Variants in NCAM2 observed in about 807,000 individuals in gnomAD.
The protein encoded by NCAM2 is neural cell adhesion molecule 2, also known as N-CAM-2.
In NCAM2, 30 loss-of-function variants were observed where a neutral mutation model predicts 98.1. The ratio of observed to expected loss-of-function variants is 0.31; its 90% CI spans 0.23 to 0.41. The LOEUF (loss-of-function observed/expected upper bound fraction) is 0.41, where lower values mean the gene tolerates loss of function less well. Among genes scored for constraint, NCAM2 ranks in the 10% least tolerant of loss-of-function variants. The pLI is 1.00. For missense variants in NCAM2, 867 were observed against 1,005.8 expected, an observed-to-expected ratio of 0.86 and a Z score of 1.87; for synonymous variants, 368 against 342.4, an observed-to-expected ratio of 1.07 and a Z score of -0.83.
At chr21:21,138,395 CA>C (rs1345979165) in intron 1 of NCAM2, among the ~76,000 whole-genome samples, 1 of 152,242 alleles carries the variant, frequency 6.6e-6, no homozygotes, top group Non-Finnish European at 1.5e-5. Flanking sequence ...GTCGTTTCTC[CA>C]CATCATTTTC....
intron 1 of NCAM2, among the ~76,000 whole-genome samples, chr21:21,204,762 A>G (rs370754932): frequency 1.3e-5 from 2 of 152,154 alleles, no homozygotes; most frequent in African/African-American, 4.8e-5. Context: ...GCTATTGCCA[A>G]TTTATTCATA....
At chr21:21,115,859 A>G (rs1288586150) in intron 1 of NCAM2, among the ~76,000 whole-genome samples, 1 of 152,166 alleles carries the variant, frequency 6.6e-6, no homozygotes, top group African/African-American at 2.4e-5. Context: ...AAGAAAATCA[A>G]TTCAAATTGG....
chr21:21,247,566 A>G (rs1013693340), intron 1 of NCAM2, among the ~76,000 whole-genome samples: 2 of 152,104 alleles, frequency 1.3e-5, no homozygotes, highest in African/African-American at 4.8e-5. Context: ...TTTATGCTGA[A>G]TTATTTTTAT....
At position 21,454,477 on chromosome 21, in the gene NCAM2, C is replaced by T. The variant is rs531194599; in HGVS notation, c.1655-12129C>T. On this transcript the variant is annotated intron_variant, in intron 12 of 17. Transcript: ENST00000400546. ...ATCCCTAACTTATGTATGGGTACAG[C>T]TCATAAATACGAACCTGTGTCATGC... Among the ~76,000 whole-genome samples the T allele has an allele frequency of 1.4e-4, 21 of 152,106 alleles. No homozygotes were observed. The South Asian group carries it at 4.4e-3, about 32-fold the overall frequency.
intron 1 of NCAM2, among the ~76,000 whole-genome samples, chr21:21,042,601 A>C (rs1360656734): frequency 6.6e-6 from 1 of 152,162 alleles, no homozygotes; most frequent in African/African-American, 2.4e-5. Flanking sequence ...AAATTCTTTG[A>C]GCTTTAATCT....
At chr21:21,133,026 A>G (rs1174260512) in intron 1 of NCAM2, among the ~76,000 whole-genome samples, 10 of 152,208 alleles carry the variant, frequency 6.6e-5, no homozygotes, top group African/African-American at 2.4e-5. Flanking sequence ...CATTTTACCT[A>G]TATTATGACA....
intron 17 of NCAM2, among the ~76,000 whole-genome samples, chr21:21,535,043 T>C (rs1178834952): frequency 6.6e-6 from 1 of 152,096 alleles, no homozygotes; most frequent in African/African-American, 2.4e-5. Flanking sequence ...GCTTTGAATA[T>C]AAATGTCATT....
chr21:21,446,328 A>G, intron 12 of NCAM2, among the ~76,000 whole-genome samples: 1 of 151,690 alleles, frequency 6.6e-6, no homozygotes, highest in Non-Finnish European at 1.5e-5. Context: ...CTTCTTGCGG[A>G]GTATCTTAGT....
chr21:21,460,655 AATT>A (rs1982837439), intron 12 of NCAM2, among the ~76,000 whole-genome samples: 1 of 151,954 alleles, frequency 6.6e-6, no homozygotes, highest in African/African-American at 2.4e-5. Context: ...CTAACTGCTG[AATT>A]ATTATTTTAC....
chr21:21,058,654 TA>T (rs1568977377), intron 1 of NCAM2, among the ~76,000 whole-genome samples: 1 of 136,540 alleles, frequency 7.3e-6, no homozygotes, highest in Non-Finnish European at 1.6e-5. Flanking sequence ...AGACTTGCAT[TA>T]AAATTCACAC....
intron 1 of NCAM2, among the ~76,000 whole-genome samples, chr21:21,005,144 G>T (rs1007698577): frequency 3.3e-5 from 5 of 152,194 alleles, no homozygotes; most frequent in Admixed American, 2.0e-4. Context: ...GGCCAAGCTG[G>T]TTTGACTCTA....
At chr21:21,503,605 C>G (rs1278198975) in intron 15 of NCAM2, among the ~76,000 whole-genome samples, 1 of 151,886 alleles carries the variant, frequency 6.6e-6, no homozygotes, top group Non-Finnish European at 1.5e-5. Context: ...ACCGAAACTG[C>G]AGAATGCAAA....
chr21:21,188,978 A>G (rs1331802703), intron 1 of NCAM2, among the ~76,000 whole-genome samples: 1 of 152,198 alleles, frequency 6.6e-6, no homozygotes, highest in Non-Finnish European at 1.5e-5. Context: ...GGTGTCTTGG[A>G]AACCAGCCCA....
chr21:21,063,766 C>A (rs2065373077), intron 1 of NCAM2, among the ~76,000 whole-genome samples: 2 of 152,024 alleles, frequency 1.3e-5, no homozygotes. Context: ...GTTTACGTTA[C>A]AATTATTTTA....
At chr21:21,504,567 G>A (rs951783834) in intron 15 of NCAM2, among the ~76,000 whole-genome samples, 8 of 151,684 alleles carry the variant, frequency 5.3e-5, no homozygotes, top group East Asian at 1.9e-4. Context: ...TTTGTGAAAC[G>A]TCCAGAGTAC....
intron 15 of NCAM2, among the ~76,000 whole-genome samples, chr21:21,478,524 T>G (rs1224489140): frequency 1.3e-5 from 2 of 151,988 alleles, no homozygotes; most frequent in Non-Finnish European, 2.9e-5. Flanking sequence ...CATCAGTTGT[T>G]TAGTAATTGA....
At chr21:21,525,033 T>A (rs928296995) in intron 16 of NCAM2, among the ~76,000 whole-genome samples, 1 of 152,086 alleles carries the variant, frequency 6.6e-6, no homozygotes, top group Non-Finnish European at 1.5e-5. Context: ...GGAAATTTCC[T>A]TGAATACATA....
At chr21:21,035,474 C>T (rs1450630151) in intron 1 of NCAM2, among the ~76,000 whole-genome samples, 1 of 152,114 alleles carries the variant, frequency 6.6e-6, no homozygotes, top group African/African-American at 2.4e-5. Context: ...AAGCCTAACT[C>T]TAGAAAACAA....
chr21:21,375,060 G>A lies in NCAM2; in HGVS notation c.1195+1047G>A, dbSNP rs560558788. Among the ~76,000 whole-genome samples the A allele has an allele frequency of 9.2e-5, 14 of 151,450 alleles. No individual in the cohort carries two copies. In the East Asian group the frequency reaches 2.3e-3, roughly 25 times the overall value. ...GATAGCATTAGGAGATATACCTAAT[G>A]CTAAATGAGGAGTTACTGGGTGCAG... On this transcript the variant is annotated intron_variant, in intron 9 of 17. Transcript: ENST00000400546.
Sources: allele counts gnomAD v4.1 joint callset (sites outside exome capture counted in the v4.1 genomes callset), GRCh38; gene constraint gnomAD v4.1.1; transcripts MANE v1.5; gene names NCBI Gene and HGNC (gene_info 2026-07-23, HGNC 2026-07-21).